Variants in FBLN2 observed in about 807,000 individuals in gnomAD.
FBLN2 encodes the protein fibulin-2.
In FBLN2, 81 loss-of-function variants were observed where a neutral mutation model predicts 123.7. The ratio of observed to expected loss-of-function variants is 0.65; its 90% CI spans 0.55 to 0.79. The LOEUF (loss-of-function observed/expected upper bound fraction) is 0.79, where lower values mean the gene tolerates loss of function less well. FBLN2 is among the 30% of genes least tolerant of loss of function. The pLI, the probability that FBLN2 is intolerant of heterozygous loss-of-function variation, is 0.00. For missense variants in FBLN2, 1,603 were observed against 1,681.3 expected (o/e 0.95, Z 0.81); for synonymous variants, 699 against 701.4 (o/e 1.00, Z 0.05).
intron 4 of FBLN2, among the ~76,000 whole-genome samples, chr3:13,610,173 G>T (rs1705344319): frequency 6.6e-6 from 1 of 152,224 alleles, no homozygotes; most frequent in African/African-American, 2.4e-5. Flanking sequence ...TGCAGCACAT[G>T]CAAAGGCCCT....
chr3:13,596,771 ACTACT>A, intron 2 of FBLN2, among the ~76,000 whole-genome samples: 1 of 151,062 alleles, frequency 6.6e-6, no homozygotes, highest in East Asian at 2.0e-4. Flanking sequence ...CTATGAATTG[ACTACT>A]CTAAGGACCC....
chr3:13,627,754 G>A, intron 10 of FBLN2, 78 bp from the exon 11 acceptor site: 3 of 1,486,190 alleles, frequency 2.0e-6, no homozygotes, highest in Non-Finnish European at 2.7e-6. Context: ...TCTGAGGGCG[G>A]GGATGTGTGG....
chr3:13,567,603 C>T (rs767782915), intron 1 of FBLN2, among the ~76,000 whole-genome samples: 20 of 152,172 alleles, frequency 1.3e-4, no homozygotes, highest in Non-Finnish European at 2.6e-4. Context: ...AGTGATCCGC[C>T]TGTCTTGGCC....
chr3:13,579,522 G>T (rs117919247), intron 2 of FBLN2, among the ~76,000 whole-genome samples: 1 of 152,384 alleles, frequency 6.6e-6, no homozygotes, highest in East Asian at 1.9e-4. Context: ...GTGCGTGCAC[G>T]TATTTTCACA....
chr3:13,569,640 GC>G (rs1483734837), intron 1 of FBLN2, among the ~76,000 whole-genome samples: 1 of 152,074 alleles, frequency 6.6e-6, no homozygotes, highest in African/African-American at 2.4e-5. Flanking sequence ...GTCCCCTGGG[GC>G]TAAGCCTGCA....
At chr3:13,589,954 G>A (rs1299774656) in intron 2 of FBLN2, among the ~76,000 whole-genome samples, 2 of 152,116 alleles carry the variant, frequency 1.3e-5, no homozygotes, top group East Asian at 3.9e-4. Flanking sequence ...TCGTCTTAGA[G>A]CTTTTTATTA....
intron 5 of FBLN2, among the ~76,000 whole-genome samples, chr3:13,614,660 A>ATCCG: frequency 6.7e-6 from 1 of 148,372 alleles, no homozygotes; most frequent in South Asian, 2.2e-4. Context: ...CCATCCATCC[A>ATCCG]TCCATCCATC....
intron 2 of FBLN2, among the ~76,000 whole-genome samples, chr3:13,604,725 C>G (rs1332650068): frequency 6.6e-6 from 1 of 152,216 alleles, no homozygotes; most frequent in Non-Finnish European, 1.5e-5. Flanking sequence ...CTATGTGCTT[C>G]TGGTAGACAC....
At chr3:13,614,669 TCCACCTACCCAC>T (rs1705527433) in intron 5 of FBLN2, among the ~76,000 whole-genome samples, 1 of 144,774 alleles carries the variant, frequency 6.9e-6, no homozygotes, top group Non-Finnish European at 1.5e-5. Context: ...CATCCATCCA[TCCACCTACCCAC>T]CCATCCACCC....
intron 2 of FBLN2, among the ~76,000 whole-genome samples, chr3:13,574,202 A>G (rs1184745846): frequency 1.3e-5 from 2 of 151,978 alleles, no homozygotes; most frequent in African/African-American, 4.8e-5. Flanking sequence ...GCATTCAGAT[A>G]CTCCTGCCCT....
chr3:13,592,613 A>G (rs1704713207), intron 2 of FBLN2, among the ~76,000 whole-genome samples: 1 of 152,214 alleles, frequency 6.6e-6, no homozygotes, highest in Non-Finnish European at 1.5e-5. Context: ...CCAGCCCATG[A>G]ACATGATATA....
rs559042641 is a variant in FBLN2 at position 13,631,173 on chromosome 3, G to A, written c.3086-156G>A. Among the ~76,000 whole-genome samples, 143 of 152,252 alleles carry A rather than the reference G, an allele frequency of 9.4e-4. 4 individuals are homozygous for A. In the South Asian group the frequency reaches 0.029, roughly 31 times the overall value. ...AGTGGGAGTCCTGTTTTGCTTCGTG[G>A]CCTTGGGCAACTCTCTTCTACTCTC... On this transcript the variant is annotated intron_variant, in intron 15 of 17. Coordinates refer to ENST00000404922, the MANE Select transcript of FBLN2 (RefSeq NM_001004019.2).
intron 2 of FBLN2, among the ~76,000 whole-genome samples, chr3:13,581,542 C>T (rs1047780684): frequency 6.6e-6 from 1 of 152,162 alleles, no homozygotes; most frequent in Non-Finnish European, 1.5e-5. Context: ...GACTCTTGCA[C>T]CTGGGCTCCG....
At chr3:13,594,761 C>T (rs1704786877) in intron 2 of FBLN2, among the ~76,000 whole-genome samples, 1 of 152,116 alleles carries the variant, frequency 6.6e-6, no homozygotes, top group African/African-American at 2.4e-5. Context: ...GCTGGGGACA[C>T]AGAGGGACCC....
chr3:13,632,533 A>G (rs1706291501), intron 16 of FBLN2, among the ~76,000 whole-genome samples: 1 of 152,228 alleles, frequency 6.6e-6, no homozygotes, highest in South Asian at 2.1e-4. Context: ...TCAAGTCGAT[A>G]GACTTCAGCC....
Position 13,570,851 on chromosome 3 carries a change from G to A in FBLN2, c.496G>A (p.Gly166Ser), listed in dbSNP as rs373674930. 6.1e-5 allele frequency: 98 copies of A among 1,609,466 alleles called. No individual in the cohort carries two copies. The highest frequency in any genetic ancestry group is 5.1e-4 in the African/African-American group (38 of 74,946). ...CCGGGCCTGCCACTGCCCTGACGCC[G>A]GTGGAGAGCTCATCTGCTACCAGCT... ...PCRACHCPDA[G>S]GELICYQLPG... Residue 166 changes from glycine to serine, a missense_variant, in exon 2 of 18, where the codon GGT becomes AGT. By Grantham distance (56) the Gly-to-Ser change is moderately conservative. Coordinates refer to ENST00000404922, the MANE Select transcript of FBLN2 (RefSeq NM_001004019.2).
rs1061376 is a variant in FBLN2 at position 13,637,835 on chromosome 3, C to T, written c.3612C>T (p.Asp1204=). 542,310 of 1,613,034 alleles carry T rather than the reference C, an allele frequency of 0.34. 97,526 individuals carry two copies. The highest frequency in any genetic ancestry group is 0.63 in the East Asian group (28,403 of 44,836). ...AVLEPRDFAL[D]VEMKLWRQGS... ...TGGAGCCCCGGGACTTTGCCCTGGA[C>T]GTGGAGATGAAGCTCTGGAGGCAGG... Residue 1204 remains aspartate, a synonymous_variant, in exon 18 of 18, where the codon GAC becomes GAT. Transcript: ENST00000404922.
intron 2 of FBLN2, among the ~76,000 whole-genome samples, chr3:13,583,097 G>A (rs1290079164): frequency 2.0e-5 from 3 of 152,254 alleles, no homozygotes; most frequent in African/African-American, 7.2e-5. Flanking sequence ...CGCGAGCTGC[G>A]AGACCCCTCC....
intron 14 of FBLN2, 135 bp from the exon 15 acceptor site, chr3:13,630,564 G>C: frequency 1.5e-6 from 1 of 653,998 alleles, no homozygotes; most frequent in South Asian, 2.0e-5. Flanking sequence ...GGCCTGGCAG[G>C]AGAGCTGGCC....
Sources: allele counts gnomAD v4.1 joint callset (sites outside exome capture counted in the v4.1 genomes callset), GRCh38; gene constraint gnomAD v4.1.1; transcripts MANE v1.5; gene names NCBI Gene and HGNC (gene_info 2026-07-23, HGNC 2026-07-21).